ME3: variants seen among roughly 807,000 people sequenced by gnomAD.
The protein encoded by ME3 is NADP-dependent malic enzyme, mitochondrial.
In ME3, 48 loss-of-function variants were observed where a neutral mutation model predicts 68.9. The observed-to-expected ratio is 0.70, with a 90% CI of 0.55 to 0.89. The LOEUF is 0.89. ME3 is among the 40% of genes least tolerant of loss of function. The pLI, the probability that ME3 is intolerant of heterozygous loss-of-function variation, is 0.00. For missense variants in ME3, 675 were observed against 797.4 expected (o/e 0.85, Z 1.85); for synonymous variants, 320 against 318.8 (o/e 1.00, Z -0.04).
chr11:86,547,090 T>C (rs2139387434), intron 4 of ME3, among the ~76,000 whole-genome samples: 1 of 151,618 alleles, frequency 6.6e-6, no homozygotes, highest in Admixed American at 6.6e-5. Flanking sequence ...TACAAAAAAT[T>C]AGCCGGGTAT....
chr11:86,490,031 C>T lies in ME3; in HGVS notation c.706-2591G>A, dbSNP rs566683509. ...GGTCCAGAGTCTGTGGTCTTAAGCA[C>T]TCAGTCATGCTGCATGGGTGGCTCT... On this transcript the variant is annotated intron_variant, in intron 6 of 14. Transcript: ENST00000543262. 1.1e-4 allele frequency among the ~76,000 whole-genome samples: 16 copies of T among 152,312 alleles called. No individual in the cohort carries two copies. In the South Asian group the frequency reaches 2.7e-3, roughly 26 times the overall value.
At chr11:86,560,704 ATGTGTGTGTGTGTGTGTGTGTATG>A (rs1487564918) in intron 2 of ME3, among the ~76,000 whole-genome samples, 1 of 101,610 alleles carries the variant, frequency 9.8e-6, no homozygotes, top group Non-Finnish European at 2.0e-5. Context: ...ATATAATGAT[ATGTGTGTGTGTGTGTGTGTGTATG>A]TGTGTGTGTG....
intron 2 of ME3, among the ~76,000 whole-genome samples, chr11:86,666,982 GTCT>G (rs1946625916): frequency 1.3e-5 from 2 of 152,238 alleles, no homozygotes; most frequent in African/African-American, 4.8e-5. Context: ...CTGTGTGGAA[GTCT>G]AATAAATCAT....
At chr11:86,518,055 G>A (rs1954015983) in intron 4 of ME3, among the ~76,000 whole-genome samples, 2 of 152,172 alleles carry the variant, frequency 1.3e-5, no homozygotes, top group African/African-American at 2.4e-5. Flanking sequence ...GTTACTTATG[G>A]TAGAGAGTGG....
intron 2 of ME3, among the ~76,000 whole-genome samples, chr11:86,615,761 G>A (rs1255200067): frequency 6.6e-6 from 1 of 152,156 alleles, no homozygotes; most frequent in African/African-American, 2.4e-5. Context: ...GGGTGCTATG[G>A]CTTAGGGGTT....
chr11:86,582,676 G>A (rs1273759450), intron 2 of ME3, among the ~76,000 whole-genome samples: 1 of 152,112 alleles, frequency 6.6e-6, no homozygotes, highest in East Asian at 1.9e-4. Flanking sequence ...ATCTATTAAT[G>A]TTAGTGCCTT....
At chr11:86,667,710 C>T (rs117412987) in intron 2 of ME3, 1 of 152,220 alleles carries the variant, frequency 6.6e-6, no homozygotes, top group East Asian at 1.9e-4. Context: ...GGACTCAGAT[C>T]TAGTTTGGCA....
intron 2 of ME3, among the ~76,000 whole-genome samples, chr11:86,608,315 A>G (rs752971644): frequency 2.0e-5 from 3 of 152,182 alleles, no homozygotes; most frequent in East Asian, 1.9e-4. Context: ...CTTAATTTAG[A>G]AAAAATTACT....
intron 2 of ME3, among the ~76,000 whole-genome samples, chr11:86,601,648 C>A (rs1960683009): frequency 1.3e-5 from 2 of 151,282 alleles, no homozygotes; most frequent in Admixed American, 1.3e-4. Flanking sequence ...GAGACACAAC[C>A]AAAAAAGAGA....
intron 2 of ME3, among the ~76,000 whole-genome samples, chr11:86,623,602 T>C (rs551420453): frequency 6.6e-6 from 1 of 152,236 alleles, no homozygotes; most frequent in African/African-American, 2.4e-5. Context: ...TAAGGTGTTA[T>C]GTAAGTTGTT....
At chr11:86,597,592 C>T (rs773895975) in intron 2 of ME3, among the ~76,000 whole-genome samples, 8 of 152,204 alleles carry the variant, frequency 5.3e-5, no homozygotes, top group Non-Finnish European at 8.8e-5. Flanking sequence ...TTAGACACAG[C>T]ATGACTTTTT....
chr11:86,481,324 A>G (rs1951395694), intron 7 of ME3, among the ~76,000 whole-genome samples: 1 of 150,722 alleles, frequency 6.6e-6, no homozygotes, highest in Admixed American at 6.6e-5. Context: ...AAATGCTGAG[A>G]TGACAGGTGT....
chr11:86,510,226 G>A (rs1219982757), intron 4 of ME3, among the ~76,000 whole-genome samples: 3 of 152,084 alleles, frequency 2.0e-5, no homozygotes, highest in Non-Finnish European at 4.4e-5. Flanking sequence ...TCTTGCAAAG[G>A]CTACCAATGA....
At chr11:86,447,617 G>A (rs1949386472) in intron 11 of ME3, among the ~76,000 whole-genome samples, 1 of 152,122 alleles carries the variant, frequency 6.6e-6, no homozygotes, top group African/African-American at 2.4e-5. Context: ...AGGCTGGGGG[G>A]CAGTGGGGTG....
chr11:86,529,512 C>A (rs1040106325), intron 4 of ME3, among the ~76,000 whole-genome samples: 3 of 152,124 alleles, frequency 2.0e-5, no homozygotes, highest in African/African-American at 4.8e-5. Flanking sequence ...TTTTATGAGG[C>A]CAGCATCATC....
chr11:86,443,341 G>A (rs1949112996), intron 13 of ME3, among the ~76,000 whole-genome samples: 1 of 152,186 alleles, frequency 6.6e-6, no homozygotes, highest in Non-Finnish European at 1.5e-5. Flanking sequence ...ATGTCTTTGT[G>A]TTCAGTCTCC....
intron 2 of ME3, among the ~76,000 whole-genome samples, chr11:86,647,359 C>T (rs955523298): frequency 6.6e-6 from 1 of 152,086 alleles, no homozygotes; most frequent in Non-Finnish European, 1.5e-5. Flanking sequence ...GTGGCGGGCA[C>T]CTGTTGTCCC....
chr11:86,592,938 G>A (rs981216686), intron 2 of ME3, among the ~76,000 whole-genome samples: 1 of 152,172 alleles, frequency 6.6e-6, no homozygotes, highest in African/African-American at 2.4e-5. Context: ...GTTACTAAGT[G>A]TGTGACTGTG....
At chr11:86,635,245 G>A (rs1944261542) in intron 2 of ME3, among the ~76,000 whole-genome samples, 1 of 152,190 alleles carries the variant, frequency 6.6e-6, no homozygotes, top group African/African-American at 2.4e-5. Flanking sequence ...TTGGGTGATT[G>A]GCTCTATAAG....
Sources: allele counts gnomAD v4.1 joint callset (sites outside exome capture counted in the v4.1 genomes callset), GRCh38; gene constraint gnomAD v4.1.1; transcripts MANE v1.5; gene names NCBI Gene and HGNC (gene_info 2026-07-23, HGNC 2026-07-21).